Variants in MAP4K1 observed in about 807,000 individuals in gnomAD.
MAP4K1 encodes the protein MAPK/ERK kinase kinase kinase 1.
In MAP4K1, 35 loss-of-function variants were observed where a neutral mutation model predicts 122.8. The observed-to-expected ratio is 0.29, with a 90% CI of 0.22 to 0.38. The LOEUF is 0.38. MAP4K1 is among the 10% of genes least tolerant of loss of function. The pLI is 1.00. For synonymous variants in MAP4K1, 412 were observed against 421.3 expected (o/e 0.98, Z 0.27); for missense variants, 791 against 1,072.6 (o/e 0.74, Z 3.67).
intron 19 of MAP4K1, among the ~76,000 whole-genome samples, chr19:38,602,996 A>G (rs1975164941): frequency 6.9e-6 from 1 of 145,176 alleles, no homozygotes; most frequent in Non-Finnish European, 1.5e-5. Context: ...ACATATATAC[A>G]TATACATATA....
chr19:38,617,685 T>G lies in MAP4K1; in HGVS notation c.100-60A>C. 1 of 1,607,868 alleles carries G rather than the reference T, an allele frequency of 6.2e-7. No homozygotes were observed. The highest frequency in any genetic ancestry group is 1.1e-5 in the South Asian group (1 of 90,968). On this transcript the variant is annotated intron_variant, in intron 1 of 30. Coordinates refer to ENST00000396857, the MANE Select transcript of MAP4K1 (RefSeq NM_001042600.3). The surrounding 1 kb of genome is among the most constrained non-coding windows in gnomAD (Gnocchi z 4.1). The stretch of plus-strand genomic sequence containing the variant: ...CATTTGCCAGAGTCCCTCCACAGCA[T>G]CCCTGAGTCAAGGTCAAGAACTGGG...
At chr19:38,591,770 A>C (rs1974734298) in intron 30 of MAP4K1, among the ~76,000 whole-genome samples, 1 of 152,132 alleles carries the variant, frequency 6.6e-6, no homozygotes, top group South Asian at 2.1e-4. Context: ...CAGGGGTTCA[A>C]GAGCAGCCTG....
chr19:38,589,291 A>T, intron 30 of MAP4K1: 2 of 268,868 alleles, frequency 7.4e-6, no homozygotes, highest in South Asian at 3.1e-5. Flanking sequence ...GGACAGAGTG[A>T]GACTCTGACT....
In MAP4K1 at chr19:38,608,177, T is replaced by G. The variant is rs1599713371; in HGVS notation, c.1007-7A>C. The G allele has an allele frequency of 4.1e-5, 58 of 1,415,010 alleles. No individual in the cohort carries two copies. The highest frequency in any genetic ancestry group is 1.7e-4 in the South Asian group (10 of 60,042). The allele number at this position is 1,415,010 out of a possible 1,614,324, so 87.7% of individuals were successfully genotyped here. On this transcript the variant is annotated splice_polypyrimidine_tract_variant and splice_region_variant and intron_variant, in intron 13 of 30. Coordinates refer to ENST00000396857, the MANE Select transcript of MAP4K1 (RefSeq NM_001042600.3). ...CTGAACTCCATGTGCCGCCCTAGGG[T>G]GGGTGGGGGAAGATAACCTGCTGTG...
intron 19 of MAP4K1, among the ~76,000 whole-genome samples, chr19:38,602,280 G>A (rs1275159314): frequency 6.6e-6 from 1 of 152,032 alleles, no homozygotes; most frequent in African/African-American, 2.4e-5. Context: ...TCGCCATGTT[G>A]GCCAGGCTGG....
In MAP4K1 at chr19:38,617,205, A is replaced by C. The variant is rs1459970099; in HGVS notation, c.248+149T>G. 1 of 630,964 alleles carries C rather than the reference A, an allele frequency of 1.6e-6. No individual in the cohort carries two copies. The highest frequency in any genetic ancestry group is 2.8e-6 in the Non-Finnish European group (1 of 355,900). The allele number at this position is 630,964 out of a possible 1,614,324, so 39.1% of individuals were successfully genotyped here. The stretch of plus-strand genomic sequence containing the variant: ...GGTTGCAGTGAGCTGAGATCATGCC[A>C]CTGCACTCCAGCCTGGCAACAGAAC... On this transcript the variant is annotated intron_variant, in intron 3 of 30. Transcript: ENST00000396857. The surrounding 1 kb of genome is among the most constrained non-coding windows in gnomAD (Gnocchi z 4.1).
chr19:38,609,740 C>T, intron 12 of MAP4K1, 66 bp from the exon 13 acceptor site: 2 of 1,442,480 alleles, frequency 1.4e-6, no homozygotes. Flanking sequence ...TGCCCGGGGT[C>T]CATCTGCTCT....
chr19:38,613,918 T>C lies in MAP4K1; in HGVS notation c.495A>G (p.Thr165=). The C allele has an allele frequency of 4.3e-6, 7 of 1,613,696 alleles. No individual in the cohort carries two copies. The highest frequency in any genetic ancestry group is 5.9e-6 in the Non-Finnish European group (7 of 1,179,880). The change falls in exon 8 of 31, where the codon ACA becomes ACG. Residue 165 remains threonine (T), a synonymous_variant. Transcript: ENST00000396857. ...CAATGAAAGAGAGGCGTCTGGCCAG[T>C]GTAGCCCCAATCTGGGCCGAGATGC... ...DFGISAQIGA[T]LARRLSFIGT...
chr19:38,608,025 T>A lies in MAP4K1; in HGVS notation c.1074A>T (p.Leu358=), dbSNP rs1431578476. 6.2e-7 allele frequency: 1 copy of A among 1,603,340 alleles called. No homozygotes were observed. Among genetic ancestry groups the A allele is most frequent in the East Asian group, 2.2e-5 (1 of 44,688 alleles). ...ETRPPANTAR[L]QPPRDLRSSS... is the part of the protein sequence containing the mutation. ...TGCTCCTGAGGTCTCGAGGAGGCTGTAGGCGAGCCTGTGGGGTAGGAAAAG... is the reference window on the plus strand; with the variant it reads ...TGCTCCTGAGGTCTCGAGGAGGCTGAAGGCGAGCCTGTGGGGTAGGAAAAG... The change falls in exon 15 of 31, where the codon CTA becomes CTT. Residue 358 remains leucine, a synonymous_variant. Coordinates refer to ENST00000396857, the MANE Select transcript of MAP4K1 (RefSeq NM_001042600.3).
chr19:38,595,632 G>A lies in MAP4K1; in HGVS notation c.2269+8C>T. The A allele has an allele frequency of 6.2e-7, 1 of 1,613,860 alleles. No individual in the cohort carries two copies. The highest frequency in any genetic ancestry group is 1.1e-5 in the South Asian group (1 of 91,044). The stretch of plus-strand genomic sequence containing the variant: ...CCTGATCCTGGGCTCTCCCGTCCCT[G>A]CACAGACCCACGGCCTCCACCGCTT... On this transcript the variant is annotated splice_region_variant and intron_variant, in intron 28 of 30. Transcript: ENST00000396857.
At position 38,596,121 on chromosome 19, in the gene MAP4K1, A is replaced by G. The variant is rs553052383; in HGVS notation, c.2117-120T>C. 2.7e-5 allele frequency: 35 copies of G among 1,313,020 alleles called. No homozygotes were observed. In the East Asian group the frequency reaches 7.9e-4, roughly 30 times the overall value. 81.3% of individuals were successfully genotyped at this position (1,313,020 alleles called of 1,614,324 possible). ...CTCAGTTCACAAGCAAGTGGGCTAA[A>G]CCCCGCCCACCATCCCGGTCCCACC... On this transcript the variant is annotated intron_variant, in intron 26 of 30. Coordinates refer to ENST00000396857, the MANE Select transcript of MAP4K1 (RefSeq NM_001042600.3).
intron 13 of MAP4K1, among the ~76,000 whole-genome samples, chr19:38,609,091 A>G (rs144797869): frequency 3.9e-5 from 6 of 152,144 alleles, no homozygotes; most frequent in African/African-American, 1.4e-4. Flanking sequence ...GAGATTTCTG[A>G]GGTCTCCCTG....
At chr19:38,591,342 ACCATGATGAAAGCC>A (rs900855165) in intron 30 of MAP4K1, among the ~76,000 whole-genome samples, 4 of 151,822 alleles carry the variant, frequency 2.6e-5, no homozygotes, top group Admixed American at 1.3e-4. Context: ...CAGCCTAACC[ACCATGATGAAAGCC>A]CACATCTACT....
intron 19 of MAP4K1, among the ~76,000 whole-genome samples, chr19:38,603,652 T>C (rs150914291): frequency 1.3e-4 from 20 of 152,100 alleles, no homozygotes; most frequent in Non-Finnish European, 2.5e-4. Flanking sequence ...TTGGGCAACA[T>C]AGTGAGACCC....
rs1321412659 is a variant in MAP4K1 at position 38,616,267 on chromosome 19, G to A, written c.249-8C>T. Reference sequence around the variant, plus strand: ...ATCCAGAGTTTCTGCAACCTGCAGTGGTTCAAGAGTAAGAATAATAATAGC... The same window carrying A: ...ATCCAGAGTTTCTGCAACCTGCAGTAGTTCAAGAGTAAGAATAATAATAGC... On this transcript the variant is annotated splice_polypyrimidine_tract_variant and splice_region_variant and intron_variant, in intron 3 of 30. Transcript: ENST00000396857. 1.2e-6 allele frequency: 2 copies of A among 1,608,190 alleles called. No homozygotes were observed. The highest frequency in any genetic ancestry group is 8.5e-7 in the Non-Finnish European group (1 of 1,176,844).
chr19:38,605,863 G>A (rs1443643055), intron 17 of MAP4K1, 133 bp from the exon 18 acceptor site: 3 of 810,234 alleles, frequency 3.7e-6, no homozygotes, highest in Non-Finnish European at 5.6e-6. Flanking sequence ...ACAACATCTT[G>A]TGCCCCCTCC....
chr19:38,591,306 A>G (rs1974719495), intron 30 of MAP4K1, among the ~76,000 whole-genome samples: 1 of 152,022 alleles, frequency 6.6e-6, no homozygotes, highest in African/African-American at 2.4e-5. Flanking sequence ...AGGTGGGTGG[A>G]TCACCTGAGG....
chr19:38,595,415 G>C (rs1370097694), intron 29 of MAP4K1, 70 bp downstream of exon 29: 3 of 1,524,362 alleles, frequency 2.0e-6, no homozygotes, highest in African/African-American at 2.7e-5. Flanking sequence ...GGAGTTCTCG[G>C]AGCCCATCTG....
Position 38,612,570 on chromosome 19 carries a change from T to A in MAP4K1, c.665+41A>T, listed in dbSNP as rs760654692. 10 of 1,598,574 alleles carry A rather than the reference T, an allele frequency of 6.3e-6. No individual in the cohort carries two copies. In the South Asian group the frequency reaches 1.1e-4, roughly 18 times the overall value. ...CTGAGGGTGGGCTTTGGGCCAGGGC[T>A]AGACAGGATCTCTGGGCCTGGGGAC... On this transcript the variant is annotated intron_variant, in intron 9 of 30. Transcript: ENST00000396857.
Sources: gnomAD v4.1 joint callset for allele counts (sites outside exome capture counted in the v4.1 genomes callset) on GRCh38, gnomAD v4.1.1 for gene constraint, Gnocchi (gnomAD v3.1) non-coding constraint, MANE v1.5 for transcripts, NCBI Gene and HGNC (gene_info 2026-07-23, HGNC 2026-07-21) for gene names.